The following CNTLN variants were observed in gnomAD, a reference collection of about 807,000 sequenced individuals.
The protein encoded by CNTLN is centlein, centrosomal protein.
In CNTLN, 212 loss-of-function variants were observed where a neutral mutation model predicts 180.0. The observed-to-expected ratio is 1.18, with a 90% CI of 1.05 to 1.32. The LOEUF is 1.32. CNTLN is among the 40% of genes most tolerant of loss of function. The pLI is 0.00. For synonymous variants in CNTLN, 722 were observed against 563.1 expected (o/e 1.28, Z -3.99); for missense variants, 2,095 against 1,610.9 (o/e 1.30, Z -5.14).
intron 5 of CNTLN, among the ~76,000 whole-genome samples, chr9:17,265,049 T>C: frequency 6.9e-6 from 1 of 144,558 alleles, no homozygotes; most frequent in African/African-American, 2.7e-5. Flanking sequence ...TCCTGCCTAA[T>C]TGCCCTGGCC....
At chr9:17,278,071 C>G (rs532461024) in intron 6 of CNTLN, among the ~76,000 whole-genome samples, 1 of 152,238 alleles carries the variant, frequency 6.6e-6, no homozygotes, top group African/African-American at 2.4e-5. Context: ...AACACAGGCA[C>G]TATCAAACTG....
chr9:17,185,330 G>A (rs1382928208), intron 2 of CNTLN, among the ~76,000 whole-genome samples: 1 of 152,170 alleles, frequency 6.6e-6, no homozygotes, highest in African/African-American at 2.4e-5. Flanking sequence ...TCATGATTTT[G>A]CCAGAAACTG....
chr9:17,465,931 T>G lies in CNTLN; in HGVS notation c.3532-50T>G, dbSNP rs540523949. 1.9e-5 allele frequency: 28 copies of G among 1,459,480 alleles called. No individual in the cohort carries two copies. The African/African-American group carries it at 3.7e-4, about 19-fold the overall frequency. The allele number at this position is 1,459,480 out of a possible 1,614,324, so 90.4% of individuals were successfully genotyped here. Reference sequence around the variant, plus strand: ...TTTCTGTTGGAACAAACACAGTATATTACTAGAATGCCTTCAACAATAATA... The same window carrying G: ...TTTCTGTTGGAACAAACACAGTATAGTACTAGAATGCCTTCAACAATAATA... On this transcript the variant is annotated intron_variant, in intron 21 of 25. Transcript: ENST00000380647.
intron 16 of CNTLN, among the ~76,000 whole-genome samples, chr9:17,415,195 A>G (rs373857490): frequency 2.6e-5 from 4 of 152,182 alleles, no homozygotes; most frequent in African/African-American, 9.6e-5. Flanking sequence ...CCTTTTATTC[A>G]GCCTCAGTGT....
chr9:17,282,411 CCTTTGCCCA>C (rs1404040249), intron 6 of CNTLN, among the ~76,000 whole-genome samples: 5 of 152,138 alleles, frequency 3.3e-5, no homozygotes, highest in African/African-American at 9.6e-5. Context: ...CTGTTCGTGT[CCTTTGCCCA>C]CTTTTTAAAT....
intron 18 of CNTLN, among the ~76,000 whole-genome samples, chr9:17,419,546 A>T (rs1451127672): frequency 6.6e-6 from 1 of 152,148 alleles, no homozygotes; most frequent in Non-Finnish European, 1.5e-5. Flanking sequence ...TACACTATTT[A>T]ATTTAGACAA....
intron 19 of CNTLN, among the ~76,000 whole-genome samples, chr9:17,461,676 T>C (rs1265233597): frequency 6.6e-6 from 1 of 151,668 alleles, no homozygotes; most frequent in African/African-American, 2.4e-5. Flanking sequence ...ATAGTTCTAA[T>C]AGAAAAAATT....
At chr9:17,266,167 G>C (rs1225354082) in intron 5 of CNTLN, among the ~76,000 whole-genome samples, 1 of 151,654 alleles carries the variant, frequency 6.6e-6, no homozygotes. Flanking sequence ...TTTCTCTTTT[G>C]GGCATTTAGT....
At chr9:17,468,396 G>A (rs1198290363) in intron 23 of CNTLN, among the ~76,000 whole-genome samples, 1 of 151,048 alleles carries the variant, frequency 6.6e-6, no homozygotes, top group Non-Finnish European at 1.5e-5. Flanking sequence ...TAAAATTAAA[G>A]TTATATATAT....
At chr9:17,511,626 G>C in the CNTLN span, among the ~76,000 whole-genome samples, 1 of 135,860 alleles carries the variant, frequency 7.4e-6, no homozygotes, top group Non-Finnish European at 1.6e-5. Flanking sequence ...ATGGCAACTT[G>C]CTTTATCTCT....
the CNTLN span, among the ~76,000 whole-genome samples, chr9:17,519,350 A>G: frequency 6.6e-6 from 1 of 151,756 alleles, no homozygotes; most frequent in Non-Finnish European, 1.5e-5. Context: ...TTTTCTCCTT[A>G]CTTTTAATTT....
At chr9:17,363,022 G>A (rs968876791) in intron 12 of CNTLN, among the ~76,000 whole-genome samples, 1 of 152,166 alleles carries the variant, frequency 6.6e-6, no homozygotes, top group Admixed American at 6.6e-5. Flanking sequence ...TGCTGAGAAT[G>A]ATGGTTTCCA....
chr9:17,372,760 C>T (rs1824434000), intron 13 of CNTLN, among the ~76,000 whole-genome samples: 1 of 152,106 alleles, frequency 6.6e-6, no homozygotes, highest in Non-Finnish European at 1.5e-5. Context: ...TTCAACAACA[C>T]ATTAAAAAAT....
chr9:17,326,936 CAG>C (rs1176250550), intron 8 of CNTLN, among the ~76,000 whole-genome samples: 1 of 151,960 alleles, frequency 6.6e-6, no homozygotes, highest in Non-Finnish European at 1.5e-5. Flanking sequence ...GATCCTGAAA[CAG>C]AAAAAGGACC....
At chr9:17,465,928 A>G in intron 21 of CNTLN, 53 bp from the exon 22 acceptor site, 3 of 1,423,844 alleles carry the variant, frequency 2.1e-6, no homozygotes, top group African/African-American at 1.4e-5. Flanking sequence ...CAAACACAGT[A>G]TATTACTAGA....
intron 2 of CNTLN, among the ~76,000 whole-genome samples, chr9:17,148,386 A>G (rs1303589569): frequency 1.3e-5 from 2 of 152,232 alleles, no homozygotes; most frequent in Non-Finnish European, 2.9e-5. Flanking sequence ...GGTCACAACA[A>G]TTTTGTCAAC....
chr9:17,460,273 A>G (rs1831376790), intron 19 of CNTLN, among the ~76,000 whole-genome samples: 1 of 151,730 alleles, frequency 6.6e-6, no homozygotes, highest in African/African-American at 2.4e-5. Flanking sequence ...GCTCCTAATT[A>G]CTATACTATG....
intron 15 of CNTLN, among the ~76,000 whole-genome samples, chr9:17,398,362 C>T (rs1272652766): frequency 6.6e-6 from 1 of 152,104 alleles, no homozygotes; most frequent in Non-Finnish European, 1.5e-5. Flanking sequence ...TCAAATCTGT[C>T]TCCCAGGCTG....
chr9:17,135,270 C>A lies in CNTLN; in HGVS notation c.205C>A (p.Pro69Thr). Residue 69 changes from proline (P) to threonine (T), a missense_variant, in exon 1 of 26, where the codon CCT becomes ACT. Physicochemically the swap from Pro to Thr is conservative, Grantham distance 38. Transcript: ENST00000380647. Reference sequence around the variant, plus strand: ...AGAAGGGTCAGGGGGCCGGCGAGGGCCTGGGGGGGCAGCTCCGGCTCATGC... The same window carrying A: ...AGAAGGGTCAGGGGGCCGGCGAGGGACTGGGGGGGCAGCTCCGGCTCATGC... ...GEEGSGGRRG[P>T]GGAAPAHAPL... 6.2e-7 allele frequency: 1 copy of A among 1,602,040 alleles called. No individual in the cohort carries two copies. Among genetic ancestry groups the A allele is most frequent in the East Asian group, 2.3e-5 (1 of 44,386 alleles).
Sources: gnomAD v4.1 joint callset for allele counts (sites outside exome capture counted in the v4.1 genomes callset) on GRCh38, gnomAD v4.1.1 for gene constraint, MANE v1.5 for transcripts, NCBI Gene and HGNC (gene_info 2026-07-23, HGNC 2026-07-21) for gene names.